The following XPO6 variants were observed in gnomAD, a reference collection of about 807,000 sequenced individuals.
XPO6 encodes the protein exportin-6.
Under a neutral mutation model 130.0 loss-of-function variants are expected in XPO6, and 3 were observed. The observed-to-expected ratio is 0.02, with a 90% CI of 0.01 to 0.06. The LOEUF is 0.06. Among genes scored for constraint, XPO6 ranks in the 10% least tolerant of loss-of-function variants. The pLI is 1.00. For synonymous variants in XPO6, 524 were observed against 548.9 expected (o/e 0.95, Z 0.63); for missense variants, 970 against 1,393.0 (o/e 0.70, Z 4.83).
chr16:28,166,822 T>C, intron 5 of XPO6: 5 of 985,388 alleles, frequency 5.1e-6, no homozygotes, highest in Non-Finnish European at 4.8e-6. Flanking sequence ...CCTCCAGCAC[T>C]GCTCTTTGCC....
intron 17 of XPO6, among the ~76,000 whole-genome samples, chr16:28,108,099 C>T (rs530643201): frequency 3.9e-4 from 59 of 152,078 alleles, no homozygotes; most frequent in African/African-American, 1.3e-3. Flanking sequence ...CAGGCCAGGA[C>T]GGACACATGC....
chr16:28,105,543 T>C (rs1381023310), intron 20 of XPO6: 1 of 154,690 alleles, frequency 6.5e-6, no homozygotes, highest in Non-Finnish European at 1.4e-5. Context: ...GATTAACTCT[T>C]ATTTATACGA....
intron 6 of XPO6, among the ~76,000 whole-genome samples, chr16:28,160,522 C>CAAAAAAAAAAAAAAAAAAAA (rs2043260552): frequency 8.8e-6 from 1 of 113,962 alleles, no homozygotes; most frequent in African/African-American, 4.2e-5. Context: ...AAAAAAAAAT[C>CAAAAAAAAAAAAAAAAAAAA]AAGTAAAACT....
chr16:28,185,278 C>T (rs954886669), intron 1 of XPO6, among the ~76,000 whole-genome samples: 3 of 152,060 alleles, frequency 2.0e-5, no homozygotes, highest in Admixed American at 2.0e-4. Context: ...GAGGATCACT[C>T]GAGCCCAGGA....
chr16:28,112,208 C>T (rs1454187283), intron 16 of XPO6, among the ~76,000 whole-genome samples: 1 of 152,202 alleles, frequency 6.6e-6, no homozygotes, highest in Non-Finnish European at 1.5e-5. Flanking sequence ...AGCACCATGT[C>T]TAGGTCTAGC....
chr16:28,136,063 G>A (rs1430486967), intron 9 of XPO6, among the ~76,000 whole-genome samples: 1 of 152,140 alleles, frequency 6.6e-6, no homozygotes, highest in Non-Finnish European at 1.5e-5. Context: ...GCTGTGAGAA[G>A]TAAATGGTAT....
At position 28,107,656 on chromosome 16, in the gene XPO6, G is replaced by A. The variant is rs1351164912; in HGVS notation, c.2363C>T (p.Thr788Ile). ...LDDTKLIIHQ[T>I]LSVLEDIVEN... ...CACAATATCTTCTAAGACGCTGAGTGTCTGGTGGATAATCAGTTTGGCTGC... is the reference window on the plus strand; with the variant it reads ...CACAATATCTTCTAAGACGCTGAGTATCTGGTGGATAATCAGTTTGGCTGC... The change falls in exon 18 of 24, where the codon ACA becomes ATA. Residue 788 changes from threonine (T) to isoleucine (I), a missense_variant. This residue lies in a region of XPO6 where 936 missense variants were observed against 1,306.8 expected (regional missense o/e 0.72). Transcript: ENST00000304658. The A allele has an allele frequency of 6.2e-7, 1 of 1,614,038 alleles. No individual in the cohort carries two copies. Among genetic ancestry groups the A allele is most frequent in the East Asian group, 2.2e-5 (1 of 44,870 alleles).
Position 28,188,141 on chromosome 16 carries a change from ATG to A in XPO6, c.4-7112_4-7111del, listed in dbSNP as rs112946371. On this transcript the variant is annotated intron_variant, in intron 1 of 23. Transcript: ENST00000304658. ...TTTTAAATAAAGATGGGGTCTTGCTATGTTGCCCAAGCTAGTCTTAAAACCCC... is the reference window on the plus strand; with the variant it reads ...TTTTAAATAAAGATGGGGTCTTGCTATTGCCCAAGCTAGTCTTAAAACCCC... Among the ~76,000 whole-genome samples, 542 of 152,288 alleles carry A rather than the reference ATG, an allele frequency of 3.6e-3. 5 individuals carry two copies. The highest frequency in any genetic ancestry group is 0.013 in the African/African-American group (524 of 41,558).
chr16:28,111,600 G>A, intron 17 of XPO6: 2 of 480,490 alleles, frequency 4.2e-6, no homozygotes, highest in Middle Eastern at 5.2e-4. Context: ...AATAAGAGAA[G>A]GGACAGTTTG....
At chr16:28,189,697 G>C (rs961990682) in intron 1 of XPO6, among the ~76,000 whole-genome samples, 10 of 152,120 alleles carry the variant, frequency 6.6e-5, no homozygotes, top group African/African-American at 2.4e-4. Context: ...CTGGAACAAA[G>C]TCATCCCCTC....
intron 6 of XPO6, among the ~76,000 whole-genome samples, chr16:28,163,525 G>A (rs1194362631): frequency 1.3e-5 from 2 of 152,226 alleles, no homozygotes; most frequent in Admixed American, 6.5e-5. Flanking sequence ...CAGGCAAAGA[G>A]AAGTGAACAT....
rs761359981 is a variant in XPO6, at chr16:28,156,403, G to A, written c.768C>T (p.Leu256=). 3.1e-6 allele frequency: 5 copies of A among 1,614,074 alleles called. No homozygotes were observed. Among genetic ancestry groups the A allele is most frequent in the East Asian group, 2.2e-5 (1 of 44,874 alleles). Residue 256 remains leucine (L), a synonymous_variant, in exon 7 of 24, where the codon CTC becomes CTT. Transcript: ENST00000304658. ...TGGCAGACAGAGGAATCCAACTGAA[G>A]AGATGGGCCAGGCACTCCAAAGCCA... ...CSLALECLAH[L]FSWIPLSASI... is the part of the protein sequence containing the mutation.
chr16:28,118,859 CA>C (rs1418745187), intron 14 of XPO6, among the ~76,000 whole-genome samples: 4 of 152,192 alleles, frequency 2.6e-5, no homozygotes, highest in Admixed American at 1.3e-4. Context: ...TGTCCAACAT[CA>C]CCCCCCCAGA....
intron 6 of XPO6, 141 bp downstream of exon 6, chr16:28,166,367 C>A: frequency 4.0e-6 from 3 of 755,732 alleles, no homozygotes; most frequent in Non-Finnish European, 6.4e-6. Flanking sequence ...CTATGTTGCC[C>A]AGGCTGGTCT....
intron 1 of XPO6, among the ~76,000 whole-genome samples, chr16:28,197,792 GCCTGCAGTAC>G (rs2043889034): frequency 6.6e-6 from 1 of 151,314 alleles, no homozygotes; most frequent in Non-Finnish European, 1.5e-5. Flanking sequence ...GGTGGCGGGC[GCCTGCAGTAC>G]CAGCTACTTG....
chr16:28,128,310 G>C (rs1474254682), intron 12 of XPO6, among the ~76,000 whole-genome samples: 2 of 152,092 alleles, frequency 1.3e-5, no homozygotes, highest in Non-Finnish European at 2.9e-5. Context: ...GCATAGTACA[G>C]GCCCAAAAAG....
intron 12 of XPO6, among the ~76,000 whole-genome samples, chr16:28,129,097 C>T (rs2042617641): frequency 6.6e-6 from 1 of 152,194 alleles, no homozygotes; most frequent in South Asian, 2.1e-4. Context: ...GACACTTGAT[C>T]ACTTCTGACC....
intron 4 of XPO6, 49 bp downstream of exon 4, chr16:28,175,849 C>A (rs1567639322): frequency 6.4e-7 from 1 of 1,562,098 alleles, no homozygotes; most frequent in South Asian, 1.1e-5. Context: ...ATAATCACTT[C>A]AACAAACAAA....
At chr16:28,143,738 GA>G (rs1278317387) in intron 9 of XPO6, among the ~76,000 whole-genome samples, 1 of 152,108 alleles carries the variant, frequency 6.6e-6, no homozygotes, top group Non-Finnish European at 1.5e-5. Context: ...CCGGGTTCAG[GA>G]GATTCTCCTG....
Sources: gnomAD v4.1 joint callset for allele counts (sites outside exome capture counted in the v4.1 genomes callset) on GRCh38, gnomAD v4.1.1 for gene constraint, gnomAD v4.1.1 regional missense constraint, MANE v1.5 for transcripts, NCBI Gene and HGNC (gene_info 2026-07-23, HGNC 2026-07-21) for gene names.